GBA1: variants seen among roughly 807,000 people sequenced by gnomAD.
The protein encoded by GBA1 is lysosomal acid glucosylceramidase.
chr1:155,236,728 C>T, the GBA1 span, among the ~76,000 whole-genome samples: 1 of 151,938 alleles, frequency 6.6e-6, no homozygotes, highest in Admixed American at 6.6e-5. Context: ...GCTGGGACTA[C>T]ACGGGTGCCA....
the GBA1 span, chr1:155,237,357 G>A: frequency 6.2e-7 from 1 of 1,613,970 alleles, no homozygotes; most frequent in Non-Finnish European, 8.5e-7. Flanking sequence ...TGCCCAGTGG[G>A]GCAGCAGCAA....
the GBA1 span, chr1:155,238,459 A>C: frequency 4.1e-5 from 62 of 1,497,526 alleles, no homozygotes; most frequent in Non-Finnish European, 5.3e-5. Flanking sequence ...CCTACCCTAC[A>C]GTTTCTCAAC....
the GBA1 span, chr1:155,239,976 G>T: frequency 3.7e-6 from 6 of 1,614,164 alleles, no homozygotes; most frequent in Non-Finnish European, 5.1e-6. Context: ...AAGGTACCAA[G>T]GGCAGGAAAG....
chr1:155,237,770 C>T, the GBA1 span, among the ~76,000 whole-genome samples: 3 of 151,968 alleles, frequency 2.0e-5, no homozygotes, highest in East Asian at 5.8e-4. Flanking sequence ...GGCCTGGTGG[C>T]AGGCGCCTAT....
the GBA1 span, chr1:155,240,049 G>A: frequency 8.9e-5 from 143 of 1,613,866 alleles, no homozygotes; most frequent in Admixed American, 1.1e-3. Flanking sequence ...AGCTGTAGCC[G>A]AAGCTTTTAG....
At chr1:155,241,682 G>A in the GBA1 span, among the ~76,000 whole-genome samples, 4 of 152,214 alleles carry the variant, frequency 2.6e-5, no homozygotes, top group African/African-American at 9.6e-5. Context: ...GGTAACAGGT[G>A]TGCATGGAGA....
At chr1:155,244,085 C>T in the GBA1 span, 1 of 152,326 alleles carries the variant, frequency 6.6e-6, no homozygotes, top group Admixed American at 6.5e-5. Flanking sequence ...TAAAATCTGA[C>T]CATCCTTACC....
the GBA1 span, chr1:155,236,505 C>G: frequency 5.2e-6 from 8 of 1,525,870 alleles, no homozygotes; most frequent in Non-Finnish European, 7.3e-6. Flanking sequence ...GGACCTTGCA[C>G]ACAGGCTTCT....
chr1:155,236,174 T>C, the GBA1 span: 1 of 1,322,792 alleles, frequency 7.6e-7, no homozygotes, highest in Non-Finnish European at 1.1e-6. Context: ...GAAGGGCTTC[T>C]GTCAGTCTTT....
At chr1:155,238,466 C>G in the GBA1 span, 1 of 1,518,152 alleles carries the variant, frequency 6.6e-7, no homozygotes, top group East Asian at 2.5e-5. Flanking sequence ...TACAGTTTCT[C>G]AACCCCCAGA....
At chr1:155,238,383 C>T in the GBA1 span, 1 of 1,479,110 alleles carries the variant, frequency 6.8e-7, no homozygotes, top group South Asian at 1.2e-5. Flanking sequence ...TCCGGTTCAG[C>T]CATTAGCCTC....
chr1:155,239,750 G>C, the GBA1 span: 1 of 1,614,050 alleles, frequency 6.2e-7, no homozygotes, highest in South Asian at 1.1e-5. Context: ...TGGCTGCAGG[G>C]TCAGTAGCAG....
chr1:155,235,888 G>C, the GBA1 span: 3 of 1,613,498 alleles, frequency 1.9e-6, no homozygotes, highest in Non-Finnish European at 2.5e-6. Flanking sequence ...GCAACACTGG[G>C]GGTCCCCAGA....
At chr1:155,235,758 G>C in the GBA1 span, 1 of 1,614,174 alleles carries the variant, frequency 6.2e-7, no homozygotes, top group Non-Finnish European at 8.5e-7. Flanking sequence ...TGGGACTGTC[G>C]ACAAAGTTAC....
chr1:155,238,084 T>C, the GBA1 span: 1 of 1,583,672 alleles, frequency 6.3e-7, no homozygotes, highest in Non-Finnish European at 8.7e-7. Context: ...CAGATCAGCA[T>C]GGCTAAATGG....
the GBA1 span, chr1:155,237,903 CAAAA>C: frequency 1.5e-5 from 8 of 533,702 alleles, no homozygotes; most frequent in Non-Finnish European, 2.5e-5. Context: ...GACTCCTTCT[CAAAA>C]AAAAAAAAAA....
the GBA1 span, chr1:155,241,287 G>A: frequency 5.9e-6 from 4 of 677,660 alleles, no homozygotes; most frequent in Non-Finnish European, 1.1e-5. Context: ...ATGACTAGGA[G>A]CGTCACATGA....
chr1:155,237,677 G>A, the GBA1 span: 56 of 1,566,270 alleles, frequency 3.6e-5, no homozygotes, highest in African/African-American at 3.0e-4. Flanking sequence ...TTGGGAAGCC[G>A]AGGCAGGTGG....
the GBA1 span, chr1:155,240,649 C>T: frequency 6.2e-7 from 1 of 1,613,680 alleles, no homozygotes; most frequent in Non-Finnish European, 8.5e-7. Context: ...ACGACACTGC[C>T]TGAAGTAGAA....
Sources: allele counts gnomAD v4.1 joint callset (sites outside exome capture counted in the v4.1 genomes callset), GRCh38; gene constraint gnomAD v4.1.1; transcripts MANE v1.5; gene names NCBI Gene and HGNC (gene_info 2026-07-23, HGNC 2026-07-21).